The following ZNF431 variants were observed in gnomAD, a reference collection of about 807,000 sequenced individuals.
ZNF431 encodes zinc finger protein 431.
ZNF431 carries 34 observed loss-of-function variants against 57.0 expected under a neutral mutation model. That is an observed-to-expected ratio of 0.60 (90% confidence interval 0.45 to 0.79). ZNF431 has a LOEUF of 0.79. Among genes scored for constraint, ZNF431 ranks in the 30% least tolerant of loss-of-function variants. ZNF431 has a pLI of 0.00. For synonymous variants in ZNF431, 207 were observed against 220.3 expected (o/e 0.94, Z 0.54); for missense variants, 607 against 667.1 (o/e 0.91, Z 0.99).
At chr19:21,167,472 TC>T (rs1970754487) in intron 3 of ZNF431, 98 bp from the exon 4 acceptor site, 1 of 931,848 alleles carries the variant, frequency 1.1e-6, no homozygotes, top group South Asian at 3.1e-5. Flanking sequence ...GGATTAATTT[TC>T]TAAAATATTC....
chr19:21,168,566 C>T (rs1970790734), intron 4 of ZNF431, among the ~76,000 whole-genome samples: 1 of 152,096 alleles, frequency 6.6e-6, no homozygotes, highest in Non-Finnish European at 1.5e-5. Flanking sequence ...TGGGGTTTCA[C>T]CGTGCTGTTC....
chr19:21,151,583 C>A (rs928662312), intron 2 of ZNF431, among the ~76,000 whole-genome samples: 2 of 152,124 alleles, frequency 1.3e-5, no homozygotes, highest in African/African-American at 4.8e-5. Context: ...GAATCCTGAA[C>A]CTGGGCCACC....
chr19:21,166,246 A>G, intron 2 of ZNF431, 89 bp from the exon 3 acceptor site: 2 of 1,525,974 alleles, frequency 1.3e-6, no homozygotes, highest in South Asian at 2.5e-5. Flanking sequence ...AGTTCTCTTT[A>G]CTCTCTCAAT....
intron 2 of ZNF431, chr19:21,162,674 T>C (rs1599594315): frequency 1.0e-6 from 1 of 980,662 alleles, no homozygotes; most frequent in East Asian, 1.1e-4. Context: ...CAAAGCTGAT[T>C]TAAAAAGATG....
chr19:21,171,541 G>A (rs1373116486), intron 4 of ZNF431, among the ~76,000 whole-genome samples: 2 of 151,604 alleles, frequency 1.3e-5, no homozygotes, highest in Non-Finnish European at 2.9e-5. Context: ...TTATATGTGT[G>A]TGTGTTTATC....
intron 2 of ZNF431, among the ~76,000 whole-genome samples, chr19:21,155,236 T>C (rs976452716): frequency 6.6e-6 from 1 of 152,226 alleles, no homozygotes; most frequent in Admixed American, 6.5e-5. Flanking sequence ...GCTTTCTACA[T>C]ATGGTTAGCC....
rs112003777 is a variant in ZNF431 at position 21,170,656 on chromosome 19, C to CT, written c.319+3000dup. ...TAATTTCTTTCTTTTCTTTTCTTTT[C>CT]TTTTTTTTTTCTTTTCTTTTCTTTT... On this transcript the variant is annotated intron_variant, in intron 4 of 4. Coordinates refer to ENST00000311048, the MANE Select transcript of ZNF431 (RefSeq NM_133473.4). Among the ~76,000 whole-genome samples, 82 of 147,806 alleles carry CT rather than the reference C, an allele frequency of 5.5e-4. 2 individuals are homozygous for CT. Among genetic ancestry groups the CT allele is most frequent in the South Asian group, 2.6e-3 (12 of 4,660 alleles).
rs1298751984 is a variant in ZNF431 at position 21,193,970 on chromosome 19, ACTAT to A, written c.*9940_*9943del. 2.0e-5 allele frequency: 3 copies of A among 152,202 alleles called. No individual in the cohort carries two copies. The highest frequency in any genetic ancestry group is 2.1e-4 in the South Asian group (1 of 4,830). The allele number at this position is 152,202 out of a possible 1,614,324, so 9.4% of individuals were successfully genotyped here. A position where few individuals can be genotyped will look rare whatever the true frequency, so the allele number is the denominator to read the frequency against. On this transcript the variant is annotated 3_prime_UTR_variant, in exon 5 of 5. Transcript: ENST00000311048. The stretch of plus-strand genomic sequence containing the variant: ...CATTTCTCATTAGAAAAAAAATAAG[ACTAT>A]CTAAACAATTCTATTTAACATAGTT...
At chr19:21,143,510 T>C (rs756009521) in intron 1 of ZNF431, 41 bp from the exon 2 acceptor site, 1 of 1,495,592 alleles carries the variant, frequency 6.7e-7, no homozygotes, top group South Asian at 1.1e-5. Context: ...TCAGCTAAAG[T>C]GCCTAGTGAA....
In ZNF431 at chr19:21,184,204, T is replaced by C. The variant is rs904727683; in HGVS notation, c.*170T>C. On this transcript the variant is annotated 3_prime_UTR_variant, in exon 5 of 5. Coordinates refer to ENST00000311048, the MANE Select transcript of ZNF431 (RefSeq NM_133473.4). ...GTCTCTACTAAAAATACAAAAATTATCTGGGTGTGGTGGCACGTGCCTGTA... is the reference window on the plus strand; with the variant it reads ...GTCTCTACTAAAAATACAAAAATTACCTGGGTGTGGTGGCACGTGCCTGTA... 6 of 571,030 alleles carry C rather than the reference T, an allele frequency of 1.1e-5. No individual in the cohort carries two copies. In the African/African-American group the frequency reaches 1.1e-4, roughly 11 times the overall value. The allele number at this position is 571,030 out of a possible 1,614,324, so 35.4% of individuals were successfully genotyped here.
intron 4 of ZNF431, 122 bp from the exon 5 acceptor site, chr19:21,182,501 G>A (rs1971233336): frequency 1.8e-6 from 2 of 1,083,718 alleles, no homozygotes; most frequent in South Asian, 3.7e-5. Context: ...GAAGGATTTA[G>A]GGCCTATGGT....
intron 2 of ZNF431, among the ~76,000 whole-genome samples, chr19:21,155,850 A>G (rs900281417): frequency 9.2e-5 from 14 of 152,294 alleles, no homozygotes; most frequent in South Asian, 4.1e-4. Context: ...CTGTCCTGGT[A>G]TAAAATGAGT....
chr19:21,148,358 C>T (rs1286431202), intron 2 of ZNF431, among the ~76,000 whole-genome samples: 1 of 152,160 alleles, frequency 6.6e-6, no homozygotes, highest in Non-Finnish European at 1.5e-5. Context: ...GTAGTATTCT[C>T]ATAAACCTTT....
intron 2 of ZNF431, chr19:21,150,170 G>A: frequency 1.7e-6 from 1 of 592,430 alleles, no homozygotes. Context: ...CAGCTGAGTA[G>A]CTGTTTGGTG....
At position 21,190,161 on chromosome 19, in the gene ZNF431, TC is replaced by T. The variant is rs1354236321; in HGVS notation, c.*6128del. 5.7e-6 allele frequency: 2 copies of T among 348,294 alleles called. No individual in the cohort carries two copies. The highest frequency in any genetic ancestry group is 4.2e-5 in the African/African-American group (2 of 47,484). 21.6% of individuals were successfully genotyped at this position (348,294 alleles called of 1,614,324 possible). On this transcript the variant is annotated 3_prime_UTR_variant, in exon 5 of 5. Transcript: ENST00000311048. ...TCCATCCTGGGCAACAGAGTGAGAC[TC>T]GGTCTCAAGAGGGAAAATAAGGCAT...
At chr19:21,167,457 C>A in intron 3 of ZNF431, 114 bp from the exon 4 acceptor site, 2 of 759,872 alleles carry the variant, frequency 2.6e-6, no homozygotes, top group Non-Finnish European at 3.5e-6. Context: ...CTGCGCCCAG[C>A]CTTTGGATTA....
At position 21,187,054 on chromosome 19, in the gene ZNF431, ATAAT is replaced by A. The variant is rs1251021765; in HGVS notation, c.*3022_*3025del. 1.1e-4 allele frequency: 16 copies of A among 152,230 alleles called. No individual in the cohort carries two copies. Among genetic ancestry groups the A allele is most frequent in the African/African-American group, 2.4e-5 (1 of 41,462 alleles). 9.4% of individuals were successfully genotyped at this position (152,230 alleles called of 1,614,324 possible). On this transcript the variant is annotated 3_prime_UTR_variant, in exon 5 of 5. Coordinates refer to ENST00000311048, the MANE Select transcript of ZNF431 (RefSeq NM_133473.4). ...TTCACTGTGTAATAGATTATCCATA[ATAAT>A]TCATAAATATTCCTGCTGAAGTTAG...
At position 21,163,170 on chromosome 19, in the gene ZNF431, C is replaced by A. The variant is rs1014767258; in HGVS notation, c.97-3165C>A. On this transcript the variant is annotated intron_variant, in intron 2 of 4. Transcript: ENST00000311048. ...GTAACATACTCTTGAGCAGATAGTA[C>A]CTGCTTAATAAACATTGCATTATTA... Among the ~76,000 whole-genome samples the A allele has an allele frequency of 5.0e-3, 756 of 152,288 alleles. 8 individuals carry two copies. The highest frequency in any genetic ancestry group is 0.018 in the African/African-American group (735 of 41,546).
At chr19:21,147,258 A>C (rs1007711689) in intron 2 of ZNF431, among the ~76,000 whole-genome samples, 1 of 152,154 alleles carries the variant, frequency 6.6e-6, no homozygotes, top group African/African-American at 2.4e-5. Flanking sequence ...AGGCCAAGGC[A>C]GGTGGATTAT....
Sources: allele counts gnomAD v4.1 joint callset (sites outside exome capture counted in the v4.1 genomes callset), GRCh38; gene constraint gnomAD v4.1.1; transcripts MANE v1.5; gene names NCBI Gene and HGNC (gene_info 2026-07-23, HGNC 2026-07-21).